KAZN: variants seen among roughly 807,000 people sequenced by gnomAD.
KAZN encodes kazrin.
In KAZN, 40 loss-of-function variants were observed where a neutral mutation model predicts 87.4. That is an observed-to-expected ratio of 0.46 (90% CI 0.36 to 0.60). KAZN has a LOEUF of 0.60. Among genes scored for constraint, KAZN ranks in the 20% least tolerant of loss-of-function variants. The pLI, the probability that KAZN is intolerant of heterozygous loss-of-function variation, is 0.00. For missense variants in KAZN, 898 were observed against 1,073.9 expected (o/e 0.84, Z 2.29); for synonymous variants, 466 against 458.3 (o/e 1.02, Z -0.22).
chr1:14,455,426 C>T (rs571069907), intron 2 of KAZN, among the ~76,000 whole-genome samples: 7 of 152,198 alleles, frequency 4.6e-5, no homozygotes, highest in South Asian at 4.2e-4. Context: ...TACCGGGATG[C>T]GGGGATCACT....
In KAZN at chr1:14,465,604, A is replaced by G. The variant is rs1296393540; in HGVS notation, c.250-133379A>G. 2.0e-5 allele frequency among the ~76,000 whole-genome samples: 3 copies of G among 152,050 alleles called. No homozygotes were observed. In the South Asian group the frequency reaches 6.2e-4, roughly 32 times the overall value. On this transcript the variant is annotated intron_variant, in intron 2 of 16. Transcript: ENST00000636203. ...GGCCCAAATCACAAAGCCTCTTGAGACCTAGCCTCAGAAATTGCAGAACAT... is the reference window on the plus strand; with the variant it reads ...GGCCCAAATCACAAAGCCTCTTGAGGCCTAGCCTCAGAAATTGCAGAACAT...
intron 1 of KAZN, among the ~76,000 whole-genome samples, chr1:14,134,725 C>A (rs115591883): frequency 0.012 from 1,780 of 152,236 alleles, 40 homozygotes; most frequent in African/African-American, 0.041. Flanking sequence ...GGATTTCCAG[C>A]CTCCAGGCCT....
intron 2 of KAZN, among the ~76,000 whole-genome samples, chr1:14,285,163 T>C (rs1239040209): frequency 6.6e-6 from 1 of 152,198 alleles, no homozygotes; most frequent in African/African-American, 2.4e-5. Flanking sequence ...AAGTGTTGCA[T>C]AGAGTAGTCC....
At chr1:14,451,504 G>A (rs61561786) in intron 2 of KAZN, among the ~76,000 whole-genome samples, 18,971 of 151,840 alleles carry the variant, frequency 0.12, 1,682 homozygotes, top group African/African-American at 0.24. Context: ...GAGGCGAGAT[G>A]TATCAGTCTG....
chr1:15,044,174 C>T lies in KAZN; in HGVS notation c.726+15C>T. ...AGCTGGCCATGGTGAGAACCCTCCC[C>T]ACCCAGGTGGGCCTGGCATCTGCTA... On this transcript the variant is annotated intron_variant, in intron 4 of 14. Coordinates refer to ENST00000376030, the MANE Select transcript of KAZN (RefSeq NM_201628.3). The T allele has an allele frequency of 6.3e-7, 1 of 1,581,608 alleles. No homozygotes were observed. Among genetic ancestry groups the T allele is most frequent in the Non-Finnish European group, 8.6e-7 (1 of 1,160,770 alleles).
At chr1:13,952,402 G>C (rs1412469176) in intron 1 of KAZN, among the ~76,000 whole-genome samples, 1 of 151,556 alleles carries the variant, frequency 6.6e-6, no homozygotes, top group Non-Finnish European at 1.5e-5. Flanking sequence ...CTTTTGGATT[G>C]ATTTGGGATG....
At chr1:14,150,869 G>T (rs565250139) in intron 1 of KAZN, among the ~76,000 whole-genome samples, 1 of 152,038 alleles carries the variant, frequency 6.6e-6, no homozygotes, top group Non-Finnish European at 1.5e-5. Flanking sequence ...AATAACTAAT[G>T]TATATTTCAG....
chr1:15,109,215 T>C (rs1044165312), intron 13 of KAZN, among the ~76,000 whole-genome samples: 1 of 151,962 alleles, frequency 6.6e-6, no homozygotes, highest in Non-Finnish European at 1.5e-5. Context: ...CAAAACCCGG[T>C]CTCTACCAAA....
At chr1:14,164,860 G>A (rs878879041) in intron 1 of KAZN, among the ~76,000 whole-genome samples, 13 of 152,018 alleles carry the variant, frequency 8.6e-5, no homozygotes, top group Admixed American at 1.3e-4. Flanking sequence ...TAAAGGAGGC[G>A]GACTCATTGT....
chr1:15,114,822 C>T lies in KAZN; in HGVS notation c.*187C>T, dbSNP rs1641785935. ...GCCCAGGAGAGAGAAGACACCAGCC[C>T]ACCTGTCTTGGGTGGGCCATGGACT... On this transcript the variant is annotated 3_prime_UTR_variant, in exon 15 of 15. Coordinates refer to ENST00000376030, the MANE Select transcript of KAZN (RefSeq NM_201628.3). 1.1e-5 allele frequency: 6 copies of T among 570,388 alleles called. No homozygotes were observed. In the Middle Eastern group the frequency reaches 1.4e-3, roughly 135 times the overall value. 35.3% of individuals were successfully genotyped at this position (570,388 alleles called of 1,614,324 possible).
chr1:14,749,932 C>T (rs1447323228), intron 1 of KAZN, among the ~76,000 whole-genome samples: 1 of 152,056 alleles, frequency 6.6e-6, no homozygotes, highest in East Asian at 1.9e-4. Context: ...GGTCATAGTT[C>T]TGTATCTTGT....
intron 2 of KAZN, among the ~76,000 whole-genome samples, chr1:15,008,606 G>A (rs1270803236): frequency 1.3e-5 from 2 of 152,212 alleles, no homozygotes; most frequent in Non-Finnish European, 2.9e-5. Flanking sequence ...CAGGTTCAAA[G>A]GCCAGAGGTT....
At chr1:14,640,530 T>A (rs539593703) in intron 1 of KAZN, among the ~76,000 whole-genome samples, 1 of 152,282 alleles carries the variant, frequency 6.6e-6, no homozygotes, top group Non-Finnish European at 1.5e-5. Flanking sequence ...GTTTCCAGTG[T>A]CACCTCCCTC....
intron 1 of KAZN, among the ~76,000 whole-genome samples, chr1:14,736,918 A>G (rs540670957): frequency 6.6e-6 from 1 of 152,302 alleles, no homozygotes; most frequent in South Asian, 2.1e-4. Context: ...CTAAGGGCTG[A>G]GGATATAGAG....
At chr1:14,988,916 C>A (rs1667091517) in intron 2 of KAZN, among the ~76,000 whole-genome samples, 1 of 152,254 alleles carries the variant, frequency 6.6e-6, no homozygotes, top group Non-Finnish European at 1.5e-5. Flanking sequence ...CTTCCTTGGC[C>A]TGGATTCCTG....
chr1:13,960,160 A>T (rs952280475), intron 1 of KAZN, among the ~76,000 whole-genome samples: 4 of 152,170 alleles, frequency 2.6e-5, no homozygotes, highest in Non-Finnish European at 5.9e-5. Flanking sequence ...GCAATAATAA[A>T]TAATTCACTT....
chr1:14,061,116 T>C (rs79966409), intron 1 of KAZN, among the ~76,000 whole-genome samples: 8,077 of 152,224 alleles, frequency 0.053, 589 homozygotes, highest in African/African-American at 0.16. Context: ...ATTAACTCTG[T>C]GAGTGTCCAG....
At chr1:14,827,427 G>C (rs1156827195) in intron 1 of KAZN, among the ~76,000 whole-genome samples, 1 of 152,118 alleles carries the variant, frequency 6.6e-6, no homozygotes, top group Non-Finnish European at 1.5e-5. Flanking sequence ...TTTGCCCTGA[G>C]TCCCCAAAGT....
intron 2 of KAZN, among the ~76,000 whole-genome samples, chr1:14,536,142 A>G (rs1672492697): frequency 6.6e-6 from 1 of 152,234 alleles, no homozygotes; most frequent in Non-Finnish European, 1.5e-5. Context: ...CATGAGTCAC[A>G]AATAATTTGT....
Sources: allele counts gnomAD v4.1 joint callset (sites outside exome capture counted in the v4.1 genomes callset), GRCh38; gene constraint gnomAD v4.1.1; transcripts MANE v1.5; gene names NCBI Gene and HGNC (gene_info 2026-07-23, HGNC 2026-07-21).